MGST1: variants seen among roughly 807,000 people sequenced by gnomAD.
The protein encoded by MGST1 is microsomal glutathione S-transferase 1.
A neutral mutation model predicts 8.9 loss-of-function variants in MGST1; 5 were observed. The observed-to-expected ratio is 0.56, with a 90% CI of 0.29 to 1.19. The LOEUF (loss-of-function observed/expected upper bound fraction) is 1.19, where lower values mean the gene tolerates loss of function less well. Ranked by LOEUF, MGST1 falls within the 50% of genes most tolerant of loss-of-function variation. MGST1 has a pLI of 0.08. For missense variants in MGST1, 182 were observed against 187.4 expected (o/e 0.97, Z 0.17); for synonymous variants, 54 against 67.8 (o/e 0.80, Z 1.00).
chr12:16,428,473 GT>G (rs1032237555), intron 1 of MGST1, among the ~76,000 whole-genome samples: 30 of 144,194 alleles, frequency 2.1e-4, no homozygotes, highest in South Asian at 9.0e-4. Context: ...CATTTCTATT[GT>G]TTTTTTTTTC....
At chr12:16,545,016 C>T (rs1488327887) in intron 4 of MGST1, among the ~76,000 whole-genome samples, 2 of 151,966 alleles carry the variant, frequency 1.3e-5, no homozygotes, top group Non-Finnish European at 2.9e-5. Context: ...AGATATAAAA[C>T]AAATATAGAA....
chr12:16,399,788 G>GGGTCAA, intron 1 of MGST1: 1 of 1,188,562 alleles, frequency 8.4e-7, no homozygotes, highest in Non-Finnish European at 1.3e-6. Context: ...ATTCCTTGAT[G>GGGTCAA]GGTCAAGAGA....
At chr12:16,400,598 G>C in intron 1 of MGST1, 3 of 1,090,486 alleles carry the variant, frequency 2.8e-6, no homozygotes, top group Non-Finnish European at 4.3e-6. Flanking sequence ...GGTACTGTCT[G>C]TTCCCCGGTC....
At chr12:16,397,761 T>A (rs1940617916) in intron 1 of MGST1, among the ~76,000 whole-genome samples, 1 of 146,168 alleles carries the variant, frequency 6.8e-6, no homozygotes, top group Non-Finnish European at 1.5e-5. Context: ...TACCCTGAAC[T>A]TCTTAATCAA....
chr12:16,443,987 A>G (rs755384304), intron 4 of MGST1, among the ~76,000 whole-genome samples: 4 of 151,892 alleles, frequency 2.6e-5, no homozygotes, highest in Non-Finnish European at 4.4e-5. Context: ...CCTGAGAAAC[A>G]GAGCTATAAT....
chr12:16,356,077 T>C (rs1939702523), intron 2 of MGST1, among the ~76,000 whole-genome samples: 1 of 152,174 alleles, frequency 6.6e-6, no homozygotes, highest in Non-Finnish European at 1.5e-5. Flanking sequence ...ATAAAGACTT[T>C]AATCTCATTC....
chr12:16,521,673 AT>A (rs1941649102), intron 4 of MGST1, among the ~76,000 whole-genome samples: 1 of 152,106 alleles, frequency 6.6e-6, no homozygotes, highest in Non-Finnish European at 1.5e-5. Flanking sequence ...AATATAACAT[AT>A]TTTTTGTCTT....
intron 1 of MGST1, among the ~76,000 whole-genome samples, chr12:16,423,477 T>C (rs1940859427): frequency 1.3e-5 from 2 of 149,784 alleles, no homozygotes; most frequent in South Asian, 4.1e-4. Context: ...CCTCTAGAAT[T>C]ATTTTACCTC....
At chr12:16,484,696 G>C (rs1277584524) in intron 4 of MGST1, among the ~76,000 whole-genome samples, 2 of 151,950 alleles carry the variant, frequency 1.3e-5, no homozygotes, top group African/African-American at 4.8e-5. Context: ...TGAGAACTTA[G>C]TGTCATGAGA....
At chr12:16,403,843 T>G (rs866259362) in intron 1 of MGST1, among the ~76,000 whole-genome samples, 12 of 152,164 alleles carry the variant, frequency 7.9e-5, no homozygotes, top group South Asian at 2.1e-4. Context: ...TTGTGAGAAC[T>G]CACTCACTAT....
chr12:16,410,630 G>A lies in MGST1; in HGVS notation n.779-26758G>A, dbSNP rs1940734265. Among the ~76,000 whole-genome samples, 1 of 146,768 alleles carries A rather than the reference G, an allele frequency of 6.8e-6. No homozygotes were observed. The highest frequency in any genetic ancestry group is 6.8e-5 in the Admixed American group (1 of 14,638). On this transcript the variant is annotated intron_variant and non_coding_transcript_variant, in intron 1 of 1. Transcript: ENST00000359720. This position sits in a 1 kb window ranked among gnomAD's most constrained non-coding sequence, Gnocchi z 4.4. ...ATATTACATATAAATATTAATATAT[G>A]TATATGTAATACATATATTATATAT... is the stretch of plus-strand genomic sequence containing the variant.
At chr12:16,375,780 T>C (rs927654431) in intron 3 of MGST1, among the ~76,000 whole-genome samples, 2 of 152,008 alleles carry the variant, frequency 1.3e-5, no homozygotes, top group African/African-American at 4.8e-5. Flanking sequence ...TAATTATTTT[T>C]ATCTACGTCT....
downstream of MGST1, among the ~76,000 whole-genome samples, chr12:16,592,285 G>A (rs528387555): frequency 5.3e-5 from 8 of 152,092 alleles, no homozygotes; most frequent in Admixed American, 1.3e-4. Flanking sequence ...CTCTCAGCAA[G>A]GGTTGCACCG....
rs139901079 is a variant in MGST1, at chr12:16,400,366, C to T, written n.778+16762C>T. 1.2e-3 allele frequency: 1,029 copies of T among 823,884 alleles called. 6 individuals carry two copies. The African/African-American group carries it at 0.013, about 10-fold the overall frequency. 51.0% of individuals were successfully genotyped at this position (823,884 alleles called of 1,614,324 possible). ...TTTGTCTCCTCGAACAGATATGAAGCGGAAGCCATTGACACGGGCCTCCAG... is the reference window on the plus strand; with the variant it reads ...TTTGTCTCCTCGAACAGATATGAAGTGGAAGCCATTGACACGGGCCTCCAG... On this transcript the variant is annotated intron_variant and non_coding_transcript_variant, in intron 1 of 1. Transcript: ENST00000359720.
intron 4 of MGST1, among the ~76,000 whole-genome samples, chr12:16,533,561 A>G (rs1006002875): frequency 1.3e-5 from 2 of 152,156 alleles, no homozygotes; most frequent in African/African-American, 4.8e-5. Context: ...GTTCAGTCAT[A>G]AATTACTTAT....
intron 4 of MGST1, among the ~76,000 whole-genome samples, chr12:16,480,537 C>T (rs930040707): frequency 2.0e-5 from 3 of 152,064 alleles, no homozygotes; most frequent in Non-Finnish European, 4.4e-5. Flanking sequence ...GAATTATATA[C>T]AGAATGCATA....
downstream of MGST1, among the ~76,000 whole-genome samples, chr12:16,377,632 A>G (rs968772247): frequency 4.6e-5 from 7 of 152,174 alleles, no homozygotes; most frequent in Non-Finnish European, 7.3e-5. Context: ...TTATAGCAGC[A>G]TGATTTATAA....
rs1191853717 is a variant in MGST1, at chr12:16,401,826, T to C, written n.778+18222T>C. ...ATCAACTATTTCCATGACTCTTTCC[T>C]TGAAGAATTTGTTGAAGACTTCAGA... On this transcript the variant is annotated intron_variant and non_coding_transcript_variant, in intron 1 of 1. Transcript: ENST00000359720. The surrounding 1 kb of genome is among the most constrained non-coding windows in gnomAD (Gnocchi z 4.3). 6.2e-7 allele frequency: 1 copy of C among 1,604,650 alleles called. No homozygotes were observed. Among genetic ancestry groups the C allele is most frequent in the Non-Finnish European group, 8.5e-7 (1 of 1,171,354 alleles).
intron 4 of MGST1, among the ~76,000 whole-genome samples, chr12:16,563,925 T>C (rs569174142): frequency 6.6e-6 from 1 of 152,336 alleles, no homozygotes; most frequent in South Asian, 2.1e-4. Context: ...TGCCAATTTA[T>C]GGGCTAGATT....
Sources: gnomAD v4.1 joint callset for allele counts (sites outside exome capture counted in the v4.1 genomes callset) on GRCh38, gnomAD v4.1.1 for gene constraint, Gnocchi (gnomAD v3.1) non-coding constraint, MANE v1.5 for transcripts, NCBI Gene and HGNC (gene_info 2026-07-23, HGNC 2026-07-21) for gene names.